PHC1: variants seen among roughly 807,000 people sequenced by gnomAD.
The protein encoded by PHC1 is polyhomeotic homolog 1, also known as polyhomeotic-like protein 1.
PHC1 carries 12 observed loss-of-function variants against 104.3 expected under a neutral mutation model. The observed-to-expected ratio is 0.12, with a 90% CI of 0.07 to 0.19. The LOEUF (loss-of-function observed/expected upper bound fraction) is 0.19. Among genes scored for constraint, PHC1 ranks in the 10% least tolerant of loss-of-function variants. The pLI is 1.00. For synonymous variants in PHC1, 302 were observed against 455.8 expected, an observed-to-expected ratio of 0.66 and a Z score of 4.30; for missense variants, 671 against 1,200.0, an observed-to-expected ratio of 0.56 and a Z score of 6.51.
At chr12:8,922,194 G>A (rs1248057000) in intron 5 of PHC1, among the ~76,000 whole-genome samples, 1 of 152,190 alleles carries the variant, frequency 6.6e-6, no homozygotes, top group Non-Finnish European at 1.5e-5. Context: ...ACTTAACCTG[G>A]AAGTGATGTT....
At chr12:8,924,683 G>A (rs985714075) in intron 6 of PHC1, among the ~76,000 whole-genome samples, 6 of 152,204 alleles carry the variant, frequency 3.9e-5, no homozygotes, top group Non-Finnish European at 8.8e-5. Context: ...ACGAGTATGT[G>A]TGGTAGGCGT....
Position 8,919,640 on chromosome 12 carries a change from C to G in PHC1, c.115-116C>G, listed in dbSNP as rs1945300769. 1 of 1,034,590 alleles carries G rather than the reference C, an allele frequency of 9.7e-7. No homozygotes were observed. The highest frequency in any genetic ancestry group is 2.6e-5 in the East Asian group (1 of 38,004). 64.1% of individuals were successfully genotyped at this position (1,034,590 alleles called of 1,614,324 possible). A position where few individuals can be genotyped will look rare whatever the true frequency, so the allele number is the denominator to read the frequency against. ...GCCGTTGACGATTTAGCCCAAACTC[C>G]CATCTCCTCTGGTTTCTGTCCTTCC... On this transcript the variant is annotated intron_variant, in intron 2 of 14. Coordinates refer to ENST00000544916, the MANE Select transcript of PHC1 (RefSeq NM_004426.3). The surrounding 1 kb of genome is among the most constrained non-coding windows in gnomAD (Gnocchi z 4.9).
chr12:8,921,137 C>T (rs979539582), intron 4 of PHC1, 72 bp downstream of exon 4: 24 of 1,139,918 alleles, frequency 2.1e-5, no homozygotes, highest in Middle Eastern at 2.0e-4. Context: ...TACTTTGTGC[C>T]GCTGATCTGA....
chr12:8,917,144 A>C (rs1053068194), intron 1 of PHC1, among the ~76,000 whole-genome samples: 1 of 152,232 alleles, frequency 6.6e-6, no homozygotes, highest in Non-Finnish European at 1.5e-5. Flanking sequence ...ACTTTACAGC[A>C]CTACTATGAG....
chr12:8,914,462 G>GGA (rs200527404), upstream of PHC1: 1 of 148,652 alleles, frequency 6.7e-6, no homozygotes, highest in Non-Finnish European at 1.5e-5. Flanking sequence ...GACGGCGGGG[G>GGA]GGGGGTCCGG....
At chr12:8,917,432 C>T (rs1945234214) in intron 1 of PHC1, among the ~76,000 whole-genome samples, 198 bp from the exon 2 acceptor site, 1 of 151,978 alleles carries the variant, frequency 6.6e-6, no homozygotes, top group African/African-American at 2.4e-5. Flanking sequence ...TGCATAGCTT[C>T]AAAAGATGGT....
intron 3 of PHC1, among the ~76,000 whole-genome samples, chr12:8,920,557 A>T (rs1945332477): frequency 6.6e-6 from 1 of 151,540 alleles, no homozygotes; most frequent in Admixed American, 6.6e-5. Flanking sequence ...AAAATACAAA[A>T]ATTAGCTGGG....
intron 7 of PHC1, 41 bp from the exon 8 acceptor site, chr12:8,932,522 C>T: frequency 1.3e-6 from 2 of 1,591,980 alleles, no homozygotes; most frequent in Non-Finnish European, 1.7e-6. Context: ...TTATTCTCTG[C>T]TCTTTTTTCT....
intron 6 of PHC1, among the ~76,000 whole-genome samples, chr12:8,928,087 A>C (rs1736575528): frequency 6.6e-6 from 1 of 151,490 alleles, no homozygotes; most frequent in African/African-American, 2.4e-5. Flanking sequence ...TTGTATTTTT[A>C]GTAGAAGACG....
chr12:8,926,619 TA>T (rs746508813), intron 6 of PHC1, among the ~76,000 whole-genome samples: 4 of 126,394 alleles, frequency 3.2e-5, no homozygotes, highest in Non-Finnish European at 4.9e-5. Context: ...GACTCCATCT[TA>T]AAAAAAAAGG....
intron 4 of PHC1, 37 bp from the exon 5 acceptor site, chr12:8,921,564 C>A (rs1443062020): frequency 1.2e-6 from 2 of 1,608,380 alleles, no homozygotes; most frequent in Non-Finnish European, 1.7e-6. Context: ...TTACTTCTCC[C>A]AAATCCTTAG....
chr12:8,928,472 G>T (rs763325689), intron 6 of PHC1, among the ~76,000 whole-genome samples: 2 of 152,128 alleles, frequency 1.3e-5, no homozygotes, highest in Admixed American at 6.5e-5. Flanking sequence ...AATAAGCAGT[G>T]TGCAGTTCCG....
At position 8,933,302 on chromosome 12, in the gene PHC1, T is replaced by G. The variant is rs141573939; in HGVS notation, c.1845T>G (p.Val615=). The change falls in exon 8 of 15, where the codon GTT becomes GTG. Residue 615 remains valine, a synonymous_variant. Coordinates refer to ENST00000544916, the MANE Select transcript of PHC1 (RefSeq NM_004426.3). ...VKGGATTSSP[V]VAQVPAAFYM... is the part of the protein sequence containing the mutation. ...GTGGGGCTACCACCTCCTCACCTGT[T>G]GTAGCCCAGGTCCCTGCTGCCTTCT... 845 of 1,490,540 alleles carry G rather than the reference T, an allele frequency of 5.7e-4. 2 individuals are homozygous for G. The African/African-American group carries it at 0.011, about 19-fold the overall frequency. 92.3% of individuals were successfully genotyped at this position (1,490,540 alleles called of 1,614,324 possible). A position where few individuals can be genotyped will look rare whatever the true frequency, so the allele number is the denominator to read the frequency against.
chr12:8,919,767 A>G lies in PHC1; in HGVS notation c.126A>G (p.Ala42=). 1 of 1,612,384 alleles carries G rather than the reference A, an allele frequency of 6.2e-7. No homozygotes were observed. The highest frequency in any genetic ancestry group is 2.2e-5 in the East Asian group (1 of 44,884). The part of the protein sequence containing the change: ...YERQAVQALQ[A]LQRQPNAAQY... ...CTCTCTTTTCCTAGGCTCTGCAAGC[A>G]CTGCAGCGGCAGCCCAATGCAGCTC... Residue 42 remains alanine (A), a synonymous_variant, in exon 3 of 15, where the codon GCA becomes GCG. Coordinates refer to ENST00000544916, the MANE Select transcript of PHC1 (RefSeq NM_004426.3). This position sits in a 1 kb window ranked among gnomAD's most constrained non-coding sequence, Gnocchi z 4.9.
intron 8 of PHC1, 100 bp from the exon 9 acceptor site, chr12:8,933,764 TG>T: frequency 2.1e-6 from 2 of 952,760 alleles, no homozygotes; most frequent in Non-Finnish European, 3.2e-6. Flanking sequence ...TTGGGAAATC[TG>T]GAACTAAGAA....
chr12:8,916,664 T>C (rs1945211127), intron 1 of PHC1, among the ~76,000 whole-genome samples: 1 of 152,146 alleles, frequency 6.6e-6, no homozygotes, highest in African/African-American at 2.4e-5. Context: ...GGGTAAATTC[T>C]GACATGTTAG....
intron 6 of PHC1, among the ~76,000 whole-genome samples, chr12:8,926,387 C>T (rs1036956047): frequency 3.9e-5 from 6 of 152,022 alleles, no homozygotes; most frequent in African/African-American, 7.3e-5. Flanking sequence ...GAGGCCGAGG[C>T]GGGCGGATCA....
At chr12:8,931,577 G>A (rs1945686317) in intron 7 of PHC1, among the ~76,000 whole-genome samples, 1 of 152,210 alleles carries the variant, frequency 6.6e-6, no homozygotes, top group Admixed American at 6.5e-5. Context: ...GTTTACACCT[G>A]TAGTCCCAGC....
At chr12:8,927,871 TTCTTTC>T (rs2137093469) in intron 6 of PHC1, among the ~76,000 whole-genome samples, 2 of 98,576 alleles carry the variant, frequency 2.0e-5, no homozygotes, top group Non-Finnish European at 4.0e-5. Context: ...CTTTCTTTCT[TTCTTTC>T]TTTCTTTCTT....
Sources: allele counts gnomAD v4.1 joint callset (sites outside exome capture counted in the v4.1 genomes callset), GRCh38; gene constraint gnomAD v4.1.1; non-coding constraint Gnocchi (gnomAD v3.1); transcripts MANE v1.5; gene names NCBI Gene and HGNC (gene_info 2026-07-23, HGNC 2026-07-21).